The following GMDS variants were observed in gnomAD, a reference collection of about 807,000 sequenced individuals.
GMDS encodes the protein GDP-mannose 4,6 dehydratase.
In GMDS, 20 loss-of-function variants were observed where a neutral mutation model predicts 49.9. The ratio of observed to expected loss-of-function variants is 0.40; its 90% CI spans 0.28 to 0.58. The LOEUF is 0.58. Among genes scored for constraint, GMDS ranks in the 20% least tolerant of loss-of-function variants. The pLI, the probability that GMDS is intolerant of heterozygous loss-of-function variation, is 0.42. For missense variants in GMDS, 362 were observed against 481.4 expected, an observed-to-expected ratio of 0.75 and a Z score of 2.32; for synonymous variants, 177 against 178.6, an observed-to-expected ratio of 0.99 and a Z score of 0.07.
chr6:1,641,016 A>G (rs777393432), intron 9 of GMDS, among the ~76,000 whole-genome samples: 6 of 152,190 alleles, frequency 3.9e-5, no homozygotes, highest in Non-Finnish European at 5.9e-5. Context: ...TTGGCTCCAC[A>G]GCTGTGAGAA....
intron 1 of GMDS, among the ~76,000 whole-genome samples, chr6:2,199,151 A>G (rs952934475): frequency 2.0e-5 from 3 of 152,242 alleles, no homozygotes; most frequent in African/African-American, 7.2e-5. Flanking sequence ...ATAATGGTAT[A>G]AATATTTAGA....
intron 8 of GMDS, among the ~76,000 whole-genome samples, chr6:1,741,169 A>G (rs1767255807): frequency 6.6e-6 from 1 of 152,194 alleles, no homozygotes. Context: ...GCTCATGCAC[A>G]TATTTCTTTC....
intron 4 of GMDS, among the ~76,000 whole-genome samples, chr6:2,041,880 A>G (rs1769705319): frequency 6.6e-6 from 1 of 152,224 alleles, no homozygotes. Context: ...TACCTTTTTA[A>G]AAAGAAGATA....
intron 4 of GMDS, among the ~76,000 whole-genome samples, chr6:2,053,518 A>C (rs1271729998): frequency 6.6e-6 from 1 of 152,076 alleles, no homozygotes; most frequent in East Asian, 1.9e-4. Context: ...GTATAAAAAG[A>C]AATTAAATTT....
At chr6:1,922,793 C>T (rs900333017) in intron 7 of GMDS, among the ~76,000 whole-genome samples, 2 of 152,190 alleles carry the variant, frequency 1.3e-5, no homozygotes, top group Non-Finnish European at 2.9e-5. Flanking sequence ...GTCCCATCTA[C>T]AGCTAGCTCC....
intron 7 of GMDS, among the ~76,000 whole-genome samples, chr6:1,819,351 T>C (rs1293562728): frequency 6.6e-6 from 1 of 152,270 alleles, no homozygotes; most frequent in Non-Finnish European, 1.5e-5. Context: ...TCAAATGTTT[T>C]TATTCGACGG....
chr6:1,861,792 C>CATG (rs1758200274), intron 7 of GMDS, among the ~76,000 whole-genome samples: 2 of 152,086 alleles, frequency 1.3e-5, no homozygotes, highest in African/African-American at 2.4e-5. Flanking sequence ...GCACTTTAGT[C>CATG]CCCAGTCACA....
intron 7 of GMDS, among the ~76,000 whole-genome samples, chr6:1,814,239 G>A (rs1309294961): frequency 6.6e-6 from 1 of 152,216 alleles, no homozygotes; most frequent in African/African-American, 2.4e-5. Flanking sequence ...AGCTGTAGGA[G>A]TGCCTGTACC....
At chr6:1,697,119 A>C (rs905721186) in intron 9 of GMDS, among the ~76,000 whole-genome samples, 1 of 152,232 alleles carries the variant, frequency 6.6e-6, no homozygotes, top group Admixed American at 6.5e-5. Flanking sequence ...GTGTGAGCCC[A>C]AATGCCATAA....
chr6:2,011,238 C>T (rs1389525124), intron 4 of GMDS, among the ~76,000 whole-genome samples: 1 of 152,064 alleles, frequency 6.6e-6, no homozygotes, highest in African/African-American at 2.4e-5. Flanking sequence ...CAAATTAAAA[C>T]CACAATGAAG....
intron 4 of GMDS, among the ~76,000 whole-genome samples, chr6:1,998,947 A>G (rs1315848503): frequency 1.3e-5 from 2 of 152,176 alleles, no homozygotes; most frequent in Non-Finnish European, 2.9e-5. Context: ...TACTTCAGCC[A>G]AAAAAGTACA....
chr6:1,890,959 G>A (rs929730587), intron 7 of GMDS, among the ~76,000 whole-genome samples: 1 of 152,116 alleles, frequency 6.6e-6, no homozygotes, highest in Non-Finnish European at 1.5e-5. Flanking sequence ...TTTTTGTGAC[G>A]TTCCTTCCCC....
chr6:1,915,368 C>T (rs1761324258), intron 7 of GMDS, among the ~76,000 whole-genome samples: 1 of 152,184 alleles, frequency 6.6e-6, no homozygotes, highest in Non-Finnish European at 1.5e-5. Context: ...AGAGTAGGGC[C>T]CCTGAGGAGG....
intron 4 of GMDS, among the ~76,000 whole-genome samples, chr6:2,018,458 A>G (rs1318283818): frequency 6.6e-6 from 1 of 152,168 alleles, no homozygotes; most frequent in African/African-American, 2.4e-5. Flanking sequence ...AACACTCTCA[A>G]AAGAAACCTT....
chr6:1,941,898 AT>A (rs1392369490), intron 6 of GMDS, among the ~76,000 whole-genome samples: 2 of 151,922 alleles, frequency 1.3e-5, no homozygotes, highest in Non-Finnish European at 2.9e-5. Context: ...TCCTGCTCAA[AT>A]CTTAAACACA....
intron 4 of GMDS, among the ~76,000 whole-genome samples, chr6:2,103,960 T>C (rs2127488562): frequency 6.6e-6 from 1 of 152,354 alleles, no homozygotes. Context: ...ACTACAGTTC[T>C]ATTTTCTAAA....
At chr6:2,139,682 A>C (rs537875970) in intron 1 of GMDS, among the ~76,000 whole-genome samples, 1 of 152,352 alleles carries the variant, frequency 6.6e-6, no homozygotes, top group East Asian at 1.9e-4. Context: ...CAAAGCTATT[A>C]ACTGGGGAAC....
At chr6:2,236,962 AT>A (rs1481275359) in intron 1 of GMDS, among the ~76,000 whole-genome samples, 2 of 152,166 alleles carry the variant, frequency 1.3e-5, no homozygotes, top group Non-Finnish European at 2.9e-5. Context: ...AAATACCTTT[AT>A]TTTTTCACTC....
chr6:1,822,070 T>C (rs1770925849), intron 7 of GMDS, among the ~76,000 whole-genome samples: 1 of 152,162 alleles, frequency 6.6e-6, no homozygotes, highest in South Asian at 2.1e-4. Context: ...CAGATTTCAG[T>C]TTCTGGTGTG....
Sources: allele counts gnomAD v4.1 joint callset (sites outside exome capture counted in the v4.1 genomes callset), GRCh38; gene constraint gnomAD v4.1.1; transcripts MANE v1.5; gene names NCBI Gene and HGNC (gene_info 2026-07-23, HGNC 2026-07-21).